RIT2: variants seen among roughly 807,000 people sequenced by gnomAD.
RIT2 encodes Ras like without CAAX 2.
Under a neutral mutation model 23.7 loss-of-function variants are expected in RIT2, and 24 were observed. That is an observed-to-expected ratio of 1.01 (90% CI 0.73 to 1.43). The LOEUF is 1.43. RIT2 is among the 40% of genes most tolerant of loss of function. The pLI is 0.00. For missense variants in RIT2, 236 were observed against 266.9 expected (o/e 0.88, Z 0.81); for synonymous variants, 107 against 91.1 (o/e 1.17, Z -0.99).
chr18:42,976,542 G>A (rs1029516502), intron 2 of RIT2, among the ~76,000 whole-genome samples: 1 of 152,018 alleles, frequency 6.6e-6, no homozygotes, highest in Non-Finnish European at 1.5e-5. Context: ...AAAGGTAGAT[G>A]TCTCATTTGT....
At chr18:43,065,308 G>T (rs1184830254) in intron 1 of RIT2, among the ~76,000 whole-genome samples, 1 of 133,868 alleles carries the variant, frequency 7.5e-6, no homozygotes, top group Non-Finnish European at 1.5e-5. Context: ...ATAGCTCACT[G>T]TAGTCTAAAA....
chr18:43,012,229 T>C (rs982949765), intron 2 of RIT2, among the ~76,000 whole-genome samples: 2 of 151,856 alleles, frequency 1.3e-5, no homozygotes, highest in African/African-American at 4.8e-5. Context: ...GTCAAGACTA[T>C]TTGTTTTAAG....
Position 42,827,924 on chromosome 18 carries a change from G to A in RIT2, c.427-84204C>T, listed in dbSNP as rs933033148. On this transcript the variant is annotated intron_variant, in intron 4 of 4. Coordinates refer to ENST00000326695, the MANE Select transcript of RIT2 (RefSeq NM_002930.4). ...GGAGGCTGAGGCAGGAGAATGGTGC[G>A]AACCCGGGAGGCGGAGCTTGCAGTG... Among the ~76,000 whole-genome samples the A allele has an allele frequency of 6.2e-5, 9 of 145,252 alleles. No individual in the cohort carries two copies. The South Asian group carries it at 1.1e-3, about 17-fold the overall frequency.
intron 4 of RIT2, among the ~76,000 whole-genome samples, chr18:42,841,936 G>T (rs1236412212): frequency 6.6e-6 from 1 of 152,132 alleles, no homozygotes; most frequent in Non-Finnish European, 1.5e-5. Context: ...GGCACATTCT[G>T]CATCCTGCAT....
chr18:43,015,075 C>T (rs1248425356), intron 2 of RIT2, among the ~76,000 whole-genome samples: 1 of 151,576 alleles, frequency 6.6e-6, no homozygotes. Context: ...TTATAAAGAA[C>T]ATGGTTGTGG....
intron 2 of RIT2, among the ~76,000 whole-genome samples, chr18:43,012,694 A>C (rs1427066123): frequency 6.7e-6 from 1 of 150,366 alleles, no homozygotes; most frequent in African/African-American, 2.4e-5. Context: ...GTTCCATAGT[A>C]TGATTATAGA....
chr18:43,094,680 T>C (rs959877818), intron 1 of RIT2, among the ~76,000 whole-genome samples: 12 of 151,982 alleles, frequency 7.9e-5, no homozygotes, highest in Non-Finnish European at 1.6e-4. Context: ...AGAATGAAAA[T>C]AAGTCAAAAT....
chr18:43,038,089 T>C (rs919730073), intron 1 of RIT2, among the ~76,000 whole-genome samples: 1 of 150,820 alleles, frequency 6.6e-6, no homozygotes, highest in Non-Finnish European at 1.5e-5. Context: ...CCTGTAATCC[T>C]AGCTACTCGG....
chr18:43,017,925 G>T (rs1911510340), intron 2 of RIT2, among the ~76,000 whole-genome samples: 1 of 152,018 alleles, frequency 6.6e-6, no homozygotes, highest in Admixed American at 6.6e-5. Context: ...TAATTTTGGT[G>T]AATATAGGAA....
intron 1 of RIT2, among the ~76,000 whole-genome samples, chr18:43,085,334 T>C (rs1205833727): frequency 6.6e-6 from 1 of 152,154 alleles, no homozygotes; most frequent in Non-Finnish European, 1.5e-5. Context: ...CACAACCTTA[T>C]TGGGTTTTTT....
chr18:43,115,487 C>A lies in RIT2; in HGVS notation c.33G>T (p.Pro11=). 6.2e-7 allele frequency: 1 copy of A among 1,613,394 alleles called. No homozygotes were observed. The highest frequency in any genetic ancestry group is 8.5e-7 in the Non-Finnish European group (1 of 1,179,700). Residue 11 remains proline, a synonymous_variant, in exon 1 of 5, where the codon CCG becomes CCT. Transcript: ENST00000326695. MEVENEASCS[P]GSASGGSREY... is the part of the protein sequence containing the mutation. ...CTCTGGACCCGCCTGATGCGCTGCC[C>A]GGGGAGCAGCTGGCTTCATTTTCTA...
At chr18:42,866,385 T>C (rs1000884425) in intron 4 of RIT2, among the ~76,000 whole-genome samples, 1 of 152,184 alleles carries the variant, frequency 6.6e-6, no homozygotes, top group African/African-American at 2.4e-5. Flanking sequence ...ACAGAATCAA[T>C]GCTGTACTAG....
chr18:43,100,435 T>G (rs1380334351), intron 1 of RIT2, among the ~76,000 whole-genome samples: 1 of 152,082 alleles, frequency 6.6e-6, no homozygotes, highest in Non-Finnish European at 1.5e-5. Context: ...AAAAGTGCTG[T>G]GAGTGAAACA....
chr18:42,881,016 G>C (rs1452850629), intron 4 of RIT2, among the ~76,000 whole-genome samples: 1 of 151,998 alleles, frequency 6.6e-6, no homozygotes, highest in Non-Finnish European at 1.5e-5. Context: ...ATGTTGGTCA[G>C]ACTTGTCCTG....
intron 1 of RIT2, among the ~76,000 whole-genome samples, chr18:43,096,700 AGTTGAG>A (rs1172712887): frequency 6.6e-6 from 1 of 151,896 alleles, no homozygotes; most frequent in Non-Finnish European, 1.5e-5. Context: ...TTACCCACTA[AGTTGAG>A]TGGTGGGGGT....
chr18:42,743,790 A>G, intron 4 of RIT2, 70 bp from the exon 5 acceptor site: 2 of 1,211,662 alleles, frequency 1.7e-6, no homozygotes, highest in South Asian at 1.5e-5. Context: ...TACGTTCTCT[A>G]CTAGAGCTGT....
At chr18:42,957,263 T>TTGATA (rs1269886097) in intron 3 of RIT2, among the ~76,000 whole-genome samples, 21 of 152,190 alleles carry the variant, frequency 1.4e-4, no homozygotes, top group African/African-American at 4.6e-4. Flanking sequence ...GCTTTATATT[T>TTGATA]TGATACGATT....
chr18:42,878,139 C>A (rs1377733207), intron 4 of RIT2, among the ~76,000 whole-genome samples: 1 of 150,742 alleles, frequency 6.6e-6, no homozygotes, highest in Non-Finnish European at 1.5e-5. Flanking sequence ...ATATAGTTGA[C>A]CCTTGACCAA....
intron 4 of RIT2, among the ~76,000 whole-genome samples, chr18:42,922,795 T>A (rs549991025): frequency 6.6e-6 from 1 of 152,172 alleles, no homozygotes; most frequent in African/African-American, 2.4e-5. Flanking sequence ...TTCGGAGAAG[T>A]TTTGAGACTC....
Sources: gnomAD v4.1 joint callset for allele counts (sites outside exome capture counted in the v4.1 genomes callset) on GRCh38, gnomAD v4.1.1 for gene constraint, MANE v1.5 for transcripts, NCBI Gene and HGNC (gene_info 2026-07-23, HGNC 2026-07-21) for gene names.